The following AFP variants were observed in gnomAD, a reference collection of about 807,000 sequenced individuals.
AFP encodes alpha-fetoprotein.
In AFP, 64 loss-of-function variants were observed where a neutral mutation model predicts 78.9. The observed-to-expected ratio is 0.81, with a 90% CI of 0.66 to 1.00. The LOEUF (loss-of-function observed/expected upper bound fraction) is 1.00. AFP is among the 50% of genes least tolerant of loss of function. AFP has a pLI of 0.00. For synonymous variants in AFP, 254 were observed against 243.8 expected, an observed-to-expected ratio of 1.04 and a Z score of -0.39; for missense variants, 689 against 703.8, an observed-to-expected ratio of 0.98 and a Z score of 0.24.
At chr4:73,449,181 C>T (rs1719914602) in intron 8 of AFP, among the ~76,000 whole-genome samples, 154 bp from the exon 9 acceptor site, 1 of 152,120 alleles carries the variant, frequency 6.6e-6, no homozygotes, top group South Asian at 2.1e-4. Flanking sequence ...AACAGTTTTG[C>T]CATTCATATA....
intron 4 of AFP, 77 bp from the exon 5 acceptor site, chr4:73,442,218 TC>T: frequency 7.4e-7 from 1 of 1,350,688 alleles, no homozygotes; most frequent in South Asian, 1.2e-5. Flanking sequence ...TTTAAATAAA[TC>T]CCAGTGTCCA....
chr4:73,450,684 A>T lies in AFP; in HGVS notation c.1359A>T (p.Lys453Asn), dbSNP rs761878353. ...CGGAGCTGATGGCCATCACCAGAAA[A>T]ATGGCAGCCACAGCAGCCACTTGTT... ...TSSELMAITR[K>N]MAATAATCCQ... The change falls in exon 11 of 15, where the codon AAA becomes AAT. Residue 453 changes from lysine (K) to asparagine (N), a missense_variant. By Grantham distance (94) the Lys-to-Asn change is moderately conservative. Coordinates refer to ENST00000395792, the MANE Select transcript of AFP (RefSeq NM_001134.3). 21 of 1,614,112 alleles carry T rather than the reference A, an allele frequency of 1.3e-5. No individual in the cohort carries two copies. Among genetic ancestry groups the T allele is most frequent in the Non-Finnish European group, 1.2e-5 (14 of 1,180,002 alleles).
At chr4:73,436,387 A>C in intron 1 of AFP, 40 bp downstream of exon 1, 1 of 1,152,190 alleles carries the variant, frequency 8.7e-7, no homozygotes, top group Non-Finnish European at 1.2e-6. Context: ...TCTCTATATC[A>C]AAATTTTTTA....
intron 14 of AFP, 98 bp downstream of exon 14, chr4:73,455,388 A>T: frequency 9.8e-7 from 1 of 1,018,872 alleles, no homozygotes; most frequent in Non-Finnish European, 1.5e-6. Context: ...TAATTCTCTT[A>T]AAAATACATG....
At chr4:73,446,820 T>C (rs1719842707) in intron 7 of AFP, among the ~76,000 whole-genome samples, 1 of 152,172 alleles carries the variant, frequency 6.6e-6, no homozygotes, top group Non-Finnish European at 1.5e-5. Context: ...CTCTTATTTG[T>C]AAAGGTTTTC....
chr4:73,448,739 A>C (rs992315089), intron 8 of AFP, among the ~76,000 whole-genome samples: 5 of 152,174 alleles, frequency 3.3e-5, no homozygotes, highest in African/African-American at 1.2e-4. Context: ...TTTCTCAGCC[A>C]GGAATGATCT....
chr4:73,449,242 C>A (rs1368114195), intron 8 of AFP, 93 bp from the exon 9 acceptor site: 2 of 1,139,802 alleles, frequency 1.8e-6, no homozygotes, highest in Non-Finnish European at 2.5e-6. Flanking sequence ...TTAACTTCCA[C>A]ATGCCATATT....
chr4:73,442,797 T>C (rs1024712491), intron 5 of AFP, among the ~76,000 whole-genome samples: 34 of 152,136 alleles, frequency 2.2e-4, no homozygotes, highest in African/African-American at 4.1e-4. Flanking sequence ...TGCTTTATAC[T>C]TACTGTTTTT....
chr4:73,453,596 C>A, intron 12 of AFP, 169 bp from the exon 13 acceptor site: 1 of 738,852 alleles, frequency 1.4e-6, no homozygotes, highest in Non-Finnish European at 2.2e-6. Context: ...GGCATGCTTT[C>A]AGCCTCAATC....
chr4:73,440,707 C>T lies in AFP; in HGVS notation c.376C>T (p.Leu126Phe), dbSNP rs1461172158. Residue 126 changes from leucine to phenylalanine, a missense_variant, in exon 4 of 15, where the codon CTT becomes TTT. Physicochemically the swap from Leu to Phe is conservative, Grantham distance 22 (BLOSUM62 0). Transcript: ENST00000395792. Reference sequence around the variant, plus strand: ...TGAAGAGGGAAGACATAACTGTTTTCTTGCACACAAAAAGCCCACTCCAGC... The same window carrying T: ...TGAAGAGGGAAGACATAACTGTTTTTTTGCACACAAAAAGCCCACTCCAGC... The part of the protein sequence containing the change: ...QSEEGRHNCF[L>F]AHKKPTPASI... The T allele has an allele frequency of 4.3e-6, 7 of 1,614,160 alleles. No individual in the cohort carries two copies. The highest frequency in any genetic ancestry group is 5.9e-6 in the Non-Finnish European group (7 of 1,180,020).
At position 73,443,401 on chromosome 4, in the gene AFP, T is replaced by C. The variant is rs1396910790; in HGVS notation, c.670T>C (p.Cys224Arg). ...AAGCAGCTTGTTAAATCAACATGCA[T>C]GTGCAGTAATGAAAAATTTTGGGAC... ...RESSLLNQHA[C>R]AVMKNFGTRT... is the part of the protein sequence containing the mutation. The change falls in exon 6 of 15, where the codon TGT (cysteine) becomes CGT (arginine). Residue 224 changes from cysteine to arginine, a missense_variant. Coordinates refer to ENST00000395792, the MANE Select transcript of AFP (RefSeq NM_001134.3). The C allele has an allele frequency of 1.2e-6, 2 of 1,613,752 alleles. No individual in the cohort carries two copies. Among genetic ancestry groups the C allele is most frequent in the Admixed American group, 3.3e-5 (2 of 60,020 alleles).
rs1185473766 is a variant in AFP at position 73,455,666 on chromosome 4, TG to T, written c.*47del. On this transcript the variant is annotated 3_prime_UTR_variant, in exon 15 of 15. Coordinates refer to ENST00000395792, the MANE Select transcript of AFP (RefSeq NM_001134.3). ...GACAAAACGAGTCTTTCATTCGGTG[TG>T]AACTTTTCTCTTTAATTTTAACTGA... 4.3e-6 allele frequency: 3 copies of T among 696,960 alleles called. No individual in the cohort carries two copies. Among genetic ancestry groups the T allele is most frequent in the Non-Finnish European group, 7.8e-6 (3 of 383,434 alleles). 43.2% of individuals were successfully genotyped at this position (696,960 alleles called of 1,614,324 possible). A position where few individuals can be genotyped will look rare whatever the true frequency, so the allele number is the denominator to read the frequency against.
chr4:73,439,942 T>A (rs1719612371), intron 3 of AFP, among the ~76,000 whole-genome samples: 1 of 4,932 alleles, frequency 2.0e-4, no homozygotes. Context: ...TGTGTGTATA[T>A]GTATATATAT....
Position 73,452,509 on chromosome 4 carries a change from A to G in AFP, c.1537A>G (p.Ser513Gly). ...SSYANRRPCF[S>G]SLVVDETYVP... is the part of the protein sequence containing the mutation. The stretch of plus-strand genomic sequence containing the variant: ...ATATGCCAACAGGAGGCCATGCTTC[A>G]GCAGCTTGGTGGTGGATGAAACATA... Residue 513 changes from serine (S) to glycine (G), a missense_variant, in exon 12 of 15, where the codon AGC becomes GGC. By Grantham distance (56) the Ser-to-Gly change is moderately conservative. Transcript: ENST00000395792. 2 of 1,614,144 alleles carry G rather than the reference A, an allele frequency of 1.2e-6. No homozygotes were observed. The highest frequency in any genetic ancestry group is 1.7e-6 in the Non-Finnish European group (2 of 1,179,994).
chr4:73,449,311 A>G lies in AFP; in HGVS notation c.1059-24A>G, dbSNP rs1473861133. The G allele has an allele frequency of 1.2e-5, 19 of 1,606,790 alleles. No homozygotes were observed. In the Admixed American group the frequency reaches 2.7e-4, roughly 23 times the overall value. Reference sequence around the variant, plus strand: ...TTGTCTCTTAGTTCCAATAACTTGAAATATTTTTCTCCACATATTTCAGTT... The same window carrying G: ...TTGTCTCTTAGTTCCAATAACTTGAGATATTTTTCTCCACATATTTCAGTT... On this transcript the variant is annotated intron_variant, in intron 8 of 14. Transcript: ENST00000395792.
intron 7 of AFP, among the ~76,000 whole-genome samples, chr4:73,445,402 C>T (rs1339215218): frequency 1.3e-5 from 2 of 152,100 alleles, no homozygotes; most frequent in African/African-American, 4.8e-5. Flanking sequence ...TCCATAGTTA[C>T]TTGGAGGACG....
Position 73,449,322 on chromosome 4 carries a change from C to G in AFP, c.1059-13C>G. 1.9e-6 allele frequency: 3 copies of G among 1,610,050 alleles called. No individual in the cohort carries two copies. The highest frequency in any genetic ancestry group is 2.5e-6 in the Non-Finnish European group (3 of 1,177,288). ...TTCCAATAACTTGAAATATTTTTCT[C>G]CACATATTTCAGTTTTGTTCATGAA... On this transcript the variant is annotated splice_polypyrimidine_tract_variant and intron_variant, in intron 8 of 14. Transcript: ENST00000395792.
intron 8 of AFP, among the ~76,000 whole-genome samples, chr4:73,448,991 T>C (rs184548625): frequency 6.6e-6 from 1 of 152,188 alleles, no homozygotes; most frequent in Non-Finnish European, 1.5e-5. Flanking sequence ...AGGGCAGGTA[T>C]TTATCTTAGA....
intron 10 of AFP, 113 bp from the exon 11 acceptor site, chr4:73,450,502 C>G: frequency 1.3e-6 from 2 of 1,499,074 alleles, no homozygotes; most frequent in Non-Finnish European, 1.8e-6. Flanking sequence ...ATGAAACAAA[C>G]GAGCTGACCT....
Sources: gnomAD v4.1 joint callset for allele counts (sites outside exome capture counted in the v4.1 genomes callset) on GRCh38, gnomAD v4.1.1 for gene constraint, MANE v1.5 for transcripts, NCBI Gene and HGNC (gene_info 2026-07-23, HGNC 2026-07-21) for gene names.